The following GAS2 variants were observed in gnomAD, a reference collection of about 807,000 sequenced individuals.
GAS2 encodes the protein growth arrest specific 2, also known as growth arrest-specific protein 2.
Under a neutral mutation model 37.5 loss-of-function variants are expected in GAS2, and 20 were observed. The ratio of observed to expected loss-of-function variants is 0.53; its 90% confidence interval spans 0.37 to 0.77. GAS2 has a LOEUF of 0.77. GAS2 is among the 30% of genes least tolerant of loss of function. GAS2 has a pLI of 0.00. For missense variants in GAS2, 336 were observed against 373.4 expected, an observed-to-expected ratio of 0.90 and a Z score of 0.82; for synonymous variants, 144 against 132.2, an observed-to-expected ratio of 1.09 and a Z score of -0.61.
chr11:22,685,668 G>A lies in GAS2; in HGVS notation c.146G>A (p.Gly49Glu). 1 of 1,609,548 alleles carries A rather than the reference G, an allele frequency of 6.2e-7. No homozygotes were observed. Residue 49 changes from glycine to glutamate, a missense_variant and splice_region_variant, in exon 3 of 8, where the codon GGG becomes GAG. Coordinates refer to ENST00000454584, the MANE Select transcript of GAS2 (RefSeq NM_001143830.3). ...DLALWLTNLLGKEITAETFME... is the reference protein window; with the variant it reads ...DLALWLTNLLEKEITAETFME... ...ATAATGCTTCTTTTTGTTATTTCAGGGAAGGAGATTACAGCAGAAACTTTT... is the reference window on the plus strand; with the variant it reads ...ATAATGCTTCTTTTTGTTATTTCAGAGAAGGAGATTACAGCAGAAACTTTT...
intron 1 of GAS2, among the ~76,000 whole-genome samples, chr11:22,630,121 A>G (rs1477190985): frequency 6.6e-6 from 1 of 152,138 alleles, no homozygotes; most frequent in Admixed American, 6.5e-5. Context: ...ATATGTATAC[A>G]TGTGCCATGT....
At chr11:22,796,840 G>A (rs949478679) in intron 7 of GAS2, among the ~76,000 whole-genome samples, 1 of 152,004 alleles carries the variant, frequency 6.6e-6, no homozygotes, top group Non-Finnish European at 1.5e-5. Context: ...ATTGAATCAG[G>A]CAAATGTGGC....
At chr11:22,687,780 A>G (rs1185772775) in intron 3 of GAS2, among the ~76,000 whole-genome samples, 1 of 152,214 alleles carries the variant, frequency 6.6e-6, no homozygotes, top group African/African-American at 2.4e-5. Context: ...GACAACTTGT[A>G]TAGAAGGTTT....
chr11:22,634,772 T>C (rs957455818), intron 1 of GAS2, among the ~76,000 whole-genome samples: 1 of 152,076 alleles, frequency 6.6e-6, no homozygotes, highest in African/African-American at 2.4e-5. Context: ...CCAGCAGAAG[T>C]TCTGATGGGG....
chr11:22,660,989 A>T (rs1239367723), intron 1 of GAS2, among the ~76,000 whole-genome samples: 1 of 152,212 alleles, frequency 6.6e-6, no homozygotes, highest in Non-Finnish European at 1.5e-5. Context: ...AATATTCCGT[A>T]TTTGTGAACT....
intron 3 of GAS2, 63 bp downstream of exon 3, chr11:22,685,852 A>G: frequency 6.7e-7 from 1 of 1,503,500 alleles, no homozygotes; most frequent in Non-Finnish European, 9.0e-7. Flanking sequence ...TTGCTTATAA[A>G]TTGTGTGTAA....
intron 3 of GAS2, among the ~76,000 whole-genome samples, chr11:22,706,437 A>G (rs1231704046): frequency 2.0e-5 from 3 of 151,830 alleles, no homozygotes; most frequent in Non-Finnish European, 4.4e-5. Flanking sequence ...GCACCCACTA[A>G]CTCGTCATCT....
chr11:22,695,640 CAT>C (rs1850465983), intron 3 of GAS2, among the ~76,000 whole-genome samples: 1 of 152,152 alleles, frequency 6.6e-6, no homozygotes, highest in Non-Finnish European at 1.5e-5. Flanking sequence ...AAATGCAAGT[CAT>C]ATTATTCTGT....
chr11:22,698,987 A>G (rs1258309672), intron 3 of GAS2, among the ~76,000 whole-genome samples: 1 of 152,096 alleles, frequency 6.6e-6, no homozygotes, highest in Non-Finnish European at 1.5e-5. Context: ...TGTGTTTATA[A>G]TTCTGTTGTT....
chr11:22,692,055 G>T (rs1850269864), intron 3 of GAS2, among the ~76,000 whole-genome samples: 1 of 151,918 alleles, frequency 6.6e-6, no homozygotes, highest in Non-Finnish European at 1.5e-5. Context: ...ATACATGTTG[G>T]TAAATCATAT....
intron 1 of GAS2, among the ~76,000 whole-genome samples, chr11:22,667,423 G>A (rs886302446): frequency 3.3e-5 from 5 of 152,172 alleles, no homozygotes; most frequent in African/African-American, 1.2e-4. Flanking sequence ...AGCGCCACAT[G>A]TGTGATCTGG....
At chr11:22,752,368 T>C (rs1445551256) in intron 6 of GAS2, among the ~76,000 whole-genome samples, 1 of 152,014 alleles carries the variant, frequency 6.6e-6, no homozygotes, top group Admixed American at 6.6e-5. Flanking sequence ...TGAAGTGTTT[T>C]ATTTCAGGAA....
chr11:22,701,014 G>A (rs1850811475), intron 3 of GAS2, among the ~76,000 whole-genome samples: 1 of 152,092 alleles, frequency 6.6e-6, no homozygotes, highest in Non-Finnish European at 1.5e-5. Context: ...GAGAATATTA[G>A]AACCTTTATT....
At chr11:22,792,546 A>AG (rs1205951803) in intron 7 of GAS2, among the ~76,000 whole-genome samples, 49 of 152,350 alleles carry the variant, frequency 3.2e-4, no homozygotes, top group East Asian at 9.6e-4. Context: ...TAAATTTAAG[A>AG]GCAAAGAGTC....
intron 7 of GAS2, among the ~76,000 whole-genome samples, chr11:22,763,206 CTG>C (rs1456611358): frequency 2.6e-5 from 4 of 152,138 alleles, no homozygotes; most frequent in African/African-American, 9.7e-5. Flanking sequence ...GTTATTGACT[CTG>C]TGTAATTTCT....
intron 1 of GAS2, among the ~76,000 whole-genome samples, chr11:22,642,463 C>G (rs1294095174): frequency 6.6e-6 from 1 of 152,086 alleles, no homozygotes; most frequent in African/African-American, 2.4e-5. Flanking sequence ...AAATTCATAG[C>G]AGAACATTGA....
chr11:22,702,464 A>T (rs1008552020), intron 3 of GAS2: 1 of 152,226 alleles, frequency 6.6e-6, no homozygotes. Context: ...TATAGGCCCT[A>T]GCAAAATGGA....
chr11:22,792,483 T>C (rs1383055653), intron 7 of GAS2, among the ~76,000 whole-genome samples: 2 of 152,176 alleles, frequency 1.3e-5, no homozygotes, highest in Non-Finnish European at 2.9e-5. Context: ...GGTGACAATT[T>C]TTAGTGTAAA....
intron 7 of GAS2, among the ~76,000 whole-genome samples, chr11:22,810,248 G>T (rs1224419390): frequency 1.3e-5 from 2 of 152,192 alleles, no homozygotes; most frequent in Admixed American, 1.3e-4. Context: ...AAGAGGAATT[G>T]GTCAACAGGA....
Sources: gnomAD v4.1 joint callset for allele counts (sites outside exome capture counted in the v4.1 genomes callset) on GRCh38, gnomAD v4.1.1 for gene constraint, MANE v1.5 for transcripts, NCBI Gene and HGNC (gene_info 2026-07-23, HGNC 2026-07-21) for gene names.